Variants in CDH23 observed in about 807,000 individuals in gnomAD.
CDH23 encodes cadherin related 23, also known as cadherin-23.
In CDH23, 189 loss-of-function variants were observed where a neutral mutation model predicts 317.1. The observed-to-expected ratio is 0.60, with a 90% confidence interval of 0.53 to 0.67. The LOEUF (loss-of-function observed/expected upper bound fraction) is 0.67, where lower values mean the gene tolerates loss of function less well. CDH23 is among the 30% of genes least tolerant of loss of function. The pLI, the probability that CDH23 is intolerant of heterozygous loss-of-function variation, is 0.00. For synonymous variants in CDH23, 1,839 were observed against 1,876.8 expected (o/e 0.98, Z 0.52); for missense variants, 4,401 against 4,592.4 (o/e 0.96, Z 1.20).
In CDH23 at chr10:71,666,724, G is replaced by A. The variant is rs1204017057; in HGVS notation, c.1450-8388G>A. 2.6e-5 allele frequency among the ~76,000 whole-genome samples: 4 copies of A among 152,210 alleles called. No individual in the cohort carries two copies. The East Asian group carries it at 5.8e-4, about 22-fold the overall frequency. On this transcript the variant is annotated intron_variant, in intron 14 of 69. Coordinates refer to ENST00000224721, the MANE Select transcript of CDH23 (RefSeq NM_022124.6). ...ATGGGAGGGAAGGAAAAAGGGCCTCGGGGGCCCCAGCAGGCATGTGGAGGT... is the reference window on the plus strand; with the variant it reads ...ATGGGAGGGAAGGAAAAAGGGCCTCAGGGGCCCCAGCAGGCATGTGGAGGT...
intron 69 of CDH23, among the ~76,000 whole-genome samples, chr10:71,814,713 T>TACACACACACACACAC (rs34475820): frequency 1.4e-5 from 2 of 146,884 alleles, no homozygotes; most frequent in African/African-American, 5.0e-5. Context: ...AAGAAGCCGA[T>TACACACACACACACAC]ACACACACAC....
In CDH23 at chr10:71,712,672, C is replaced by G. The variant is rs750364937; in HGVS notation, c.3228C>G (p.Gly1076=). ...TTCCTTCAACTCCCACAGACAACGGCCCTGTAGGGAAGCGACACACGGGCA... is the reference window on the plus strand; with the variant it reads ...TTCCTTCAACTCCCACAGACAACGGGCCTGTAGGGAAGCGACACACGGGCA... ...YMLILEAIDN[G]PVGKRHTGTA... The change falls in exon 28 of 70, where the codon GGC becomes GGG. Residue 1076 remains glycine, a synonymous_variant. Transcript: ENST00000224721. 7 of 1,613,456 alleles carry G rather than the reference C, an allele frequency of 4.3e-6. No individual in the cohort carries two copies. The highest frequency in any genetic ancestry group is 5.9e-6 in the Non-Finnish European group (7 of 1,179,854).
intron 9 of CDH23, among the ~76,000 whole-genome samples, chr10:71,580,045 C>T (rs528231951): frequency 5.3e-5 from 8 of 152,348 alleles, no homozygotes; most frequent in Middle Eastern, 3.4e-3. Context: ...AGAATGGGAA[C>T]TCCTGCAGAG....
chr10:71,700,358 G>C (rs1736320514), intron 22 of CDH23, among the ~76,000 whole-genome samples: 1 of 152,218 alleles, frequency 6.6e-6, no homozygotes, highest in Non-Finnish European at 1.5e-5. Context: ...CTGCACTCCA[G>C]CCTGGGTGAT....
chr10:71,755,557 G>T, intron 38 of CDH23: 1 of 1,216,648 alleles, frequency 8.2e-7, no homozygotes, highest in Non-Finnish European at 1.2e-6. Context: ...AGGCCAGGAA[G>T]CAGGAGACCC....
intron 11 of CDH23, among the ~76,000 whole-genome samples, chr10:71,632,998 G>A (rs1862088895): frequency 6.6e-6 from 1 of 152,158 alleles, no homozygotes; most frequent in African/African-American, 2.4e-5. Context: ...TCACGGGGTG[G>A]TGCAGGGCAT....
At chr10:71,752,060 C>A (rs778905939) in intron 38 of CDH23, 1 of 715,084 alleles carries the variant, frequency 1.4e-6, no homozygotes, top group East Asian at 2.7e-5. Context: ...CTGTCCTGAG[C>A]TGAGGGCATC....
chr10:71,716,205 T>G, intron 28 of CDH23: 2 of 1,551,104 alleles, frequency 1.3e-6, no homozygotes, highest in Non-Finnish European at 1.7e-6. Flanking sequence ...AGGAGGAAGA[T>G]GCAGGCCAGG....
Position 71,734,674 on chromosome 10 carries a change from C to G in CDH23, c.4209+16C>G. The G allele has an allele frequency of 2.1e-6, 3 of 1,408,330 alleles. No individual in the cohort carries two copies. Among genetic ancestry groups the G allele is most frequent in the Middle Eastern group, 1.9e-4 (1 of 5,144 alleles). 87.2% of individuals were successfully genotyped at this position (1,408,330 alleles called of 1,614,324 possible). A position where few individuals can be genotyped will look rare whatever the true frequency, so the allele number is the denominator to read the frequency against. ...CCTACAGAAGGTGAGTAGCCTGTGG[C>G]TGGAGCTTCCCCTGTGCTGTTGGCT... is the stretch of plus-strand genomic sequence containing the variant. On this transcript the variant is annotated intron_variant, in intron 34 of 69. Transcript: ENST00000224721.
At chr10:71,680,614 G>T (rs1211427832) in intron 17 of CDH23, among the ~76,000 whole-genome samples, 4 of 151,654 alleles carry the variant, frequency 2.6e-5, no homozygotes, top group Non-Finnish European at 5.9e-5. Context: ...CAGGCGTGGT[G>T]GTGTGCACCT....
chr10:71,424,913 A>G (rs947179292), intron 1 of CDH23, among the ~76,000 whole-genome samples: 5 of 152,144 alleles, frequency 3.3e-5, no homozygotes, highest in African/African-American at 9.7e-5. Context: ...CAGTCCCCGC[A>G]TGCCCAGTGG....
chr10:71,580,250 G>A (rs1371830236), intron 9 of CDH23, among the ~76,000 whole-genome samples: 1 of 152,226 alleles, frequency 6.6e-6, no homozygotes, highest in Non-Finnish European at 1.5e-5. Flanking sequence ...GCTGGACTCT[G>A]GAGCTTGGAG....
Position 71,799,566 on chromosome 10 carries a change from C to T in CDH23, c.7299C>T (p.Asn2433=). ...CTGCCACTGATGCTGACTCAGGCAA[C>T]TTTGCACTCATTGAGTACAGCCTTG... is the stretch of plus-strand genomic sequence containing the variant. ...TVTATDADSG[N]FALIEYSLGD... is the part of the protein sequence containing the mutation. Residue 2433 remains asparagine, a synonymous_variant, in exon 52 of 70, where the codon AAC becomes AAT. Transcript: ENST00000224721. 1 of 1,614,094 alleles carries T rather than the reference C, an allele frequency of 6.2e-7. No individual in the cohort carries two copies. The highest frequency in any genetic ancestry group is 8.5e-7 in the Non-Finnish European group (1 of 1,179,914).
chr10:71,785,112 A>T lies in CDH23; in HGVS notation c.5712+12A>T, dbSNP rs376241069. ...TCATCAATGCCACGGTAGGGCCTAG[A>T]CTGACCCCAGGGAGCTTCCCAGGGT... On this transcript the variant is annotated intron_variant, in intron 43 of 69. Transcript: ENST00000224721. 1.9e-5 allele frequency: 30 copies of T among 1,607,354 alleles called. No individual in the cohort carries two copies. In the African/African-American group the frequency reaches 3.7e-4, roughly 20 times the overall value.
chr10:71,602,984 C>T (rs901463858), intron 9 of CDH23, among the ~76,000 whole-genome samples: 2 of 152,176 alleles, frequency 1.3e-5, no homozygotes, highest in Admixed American at 6.5e-5. Context: ...TGTCCTTCCC[C>T]GAAGATGACC....
In CDH23 at chr10:71,810,543, T is replaced by C. The variant is rs1841884595; in HGVS notation, c.9051T>C (p.Asp3017=). ...TGCTTATCCACGTGGTGAACCGCGA[T>C]ACCAACCGCATCCTGGACGTGGACC... The part of the protein sequence containing the change: ...TELLIHVVNR[D]TNRILDVDRV... Residue 3017 remains aspartate, a synonymous_variant, in exon 62 of 70, where the codon GAT becomes GAC. Transcript: ENST00000224721. The C allele has an allele frequency of 1.2e-6, 2 of 1,613,902 alleles. No homozygotes were observed. The highest frequency in any genetic ancestry group is 1.3e-5 in the African/African-American group (1 of 75,024).
chr10:71,649,528 G>C (rs1863064953), intron 14 of CDH23, among the ~76,000 whole-genome samples: 1 of 152,112 alleles, frequency 6.6e-6, no homozygotes, highest in Non-Finnish European at 1.5e-5. Context: ...CACCAGTCCA[G>C]GTGTCCTAGC....
intron 3 of CDH23, among the ~76,000 whole-genome samples, chr10:71,506,420 G>A (rs1366702219): frequency 6.6e-6 from 1 of 152,190 alleles, no homozygotes; most frequent in Admixed American, 6.5e-5. Context: ...TTTTACAAAA[G>A]GAACTCCAGA....
At chr10:71,549,074 C>T (rs1370938198) in intron 6 of CDH23, among the ~76,000 whole-genome samples, 1 of 152,164 alleles carries the variant, frequency 6.6e-6, no homozygotes, top group African/African-American at 2.4e-5. Flanking sequence ...GGGCCAGAGC[C>T]CCCAGACACC....
Sources: gnomAD v4.1 joint callset for allele counts (sites outside exome capture counted in the v4.1 genomes callset) on GRCh38, gnomAD v4.1.1 for gene constraint, MANE v1.5 for transcripts, NCBI Gene and HGNC (gene_info 2026-07-23, HGNC 2026-07-21) for gene names.